GVQW3: variants seen among roughly 807,000 people sequenced by gnomAD.
The protein encoded by GVQW3 is protein GVQW3.
Under a neutral mutation model 12.5 loss-of-function variants are expected in GVQW3, and 7 were observed. That is an observed-to-expected ratio of 0.56 (90% CI 0.32 to 1.05). GVQW3 has a LOEUF of 1.05. Among genes scored for constraint, GVQW3 ranks in the 50% least tolerant of loss-of-function variants. The pLI is 0.04. For synonymous variants in GVQW3, 71 were observed against 67.2 expected, an observed-to-expected ratio of 1.06 and a Z score of -0.28; for missense variants, 188 against 190.8, an observed-to-expected ratio of 0.99 and a Z score of 0.09.
At chr11:76,411,418 T>C (rs1387053775), downstream of GVQW3, 2 of 152,204 alleles carry the variant, frequency 1.3e-5, no homozygotes, top group Non-Finnish European at 2.9e-5. Context: ...TTTAAACTTC[T>C]AGCTCAGCCT....
chr11:76,412,714 A>G (rs560435497), downstream of GVQW3: 67 of 152,372 alleles, frequency 4.4e-4, no homozygotes, highest in African/African-American at 1.4e-3. Flanking sequence ...AGGGATCAAC[A>G]ATACCATTAG....
chr11:76,382,469 G>T (rs1421451875), intron 1 of GVQW3, 176 bp downstream of exon 1: 3 of 645,566 alleles, frequency 4.6e-6, no homozygotes, highest in Non-Finnish European at 8.3e-6. Context: ...TGAGAGGAAT[G>T]TGAGTTAGCT....
At chr11:76,403,234 C>G (rs1190845471) in intron 1 of GVQW3, among the ~76,000 whole-genome samples, 2 of 152,190 alleles carry the variant, frequency 1.3e-5, no homozygotes, top group Non-Finnish European at 2.9e-5. Flanking sequence ...GCGTGAGCCA[C>G]CACTCCCGGC....
At chr11:76,385,520 T>C (rs1442046948) in intron 1 of GVQW3, among the ~76,000 whole-genome samples, 1 of 152,224 alleles carries the variant, frequency 6.6e-6, no homozygotes, top group Non-Finnish European at 1.5e-5. Flanking sequence ...TACTCCTCTC[T>C]TTCCTTGTTG....
downstream of GVQW3, chr11:76,413,035 G>A (rs1030316373): frequency 8.5e-5 from 13 of 152,266 alleles, no homozygotes; most frequent in Non-Finnish European, 1.6e-4. Context: ...CTTTCGTTGC[G>A]AATTTTTTTT....
intron 1 of GVQW3, among the ~76,000 whole-genome samples, chr11:76,396,719 C>T (rs1348649450): frequency 6.6e-6 from 1 of 152,156 alleles, no homozygotes; most frequent in Non-Finnish European, 1.5e-5. Context: ...AATTCATATC[C>T]AATAAAATCG....
intron 1 of GVQW3, among the ~76,000 whole-genome samples, chr11:76,403,197 C>A (rs907810229): frequency 6.6e-6 from 1 of 152,180 alleles, no homozygotes; most frequent in Non-Finnish European, 1.5e-5. Context: ...CCGCCTGCCT[C>A]AGCCTCCCAA....
intron 1 of GVQW3, 74 bp downstream of exon 1, chr11:76,382,367 C>T (rs1383405061): frequency 1.1e-6 from 1 of 925,870 alleles, no homozygotes; most frequent in Non-Finnish European, 1.7e-6. Flanking sequence ...GTATCCCATC[C>T]CAGAGTCCAC....
At chr11:76,391,323 T>C (rs1295580047) in intron 1 of GVQW3, among the ~76,000 whole-genome samples, 1 of 152,212 alleles carries the variant, frequency 6.6e-6, no homozygotes, top group Non-Finnish European at 1.5e-5. Flanking sequence ...GACAAATGCA[T>C]AGTGTCATTG....
At chr11:76,394,830 T>A (rs1946925325) in intron 1 of GVQW3, 1 of 152,236 alleles carries the variant, frequency 6.6e-6, no homozygotes, top group African/African-American at 2.4e-5. Flanking sequence ...GGTTCCCTTT[T>A]CTCTGCATCC....
intron 1 of GVQW3, among the ~76,000 whole-genome samples, chr11:76,402,443 C>A (rs551136172): frequency 6.6e-6 from 1 of 151,868 alleles, no homozygotes; most frequent in South Asian, 2.1e-4. Context: ...ATCCTAGCTA[C>A]TCAGGAGGCT....
chr11:76,392,420 A>G (rs993211571), intron 1 of GVQW3: 3 of 152,200 alleles, frequency 2.0e-5, no homozygotes, highest in African/African-American at 7.2e-5. Context: ...CAGAATTACA[A>G]CCCAAACTCG....
At chr11:76,389,688 T>C (rs1403461092) in intron 1 of GVQW3, 2 of 152,218 alleles carry the variant, frequency 1.3e-5, no homozygotes, top group African/African-American at 2.4e-5. Context: ...TTAACCTCCT[T>C]TGCATTTCAT....
In GVQW3 at chr11:76,381,819, C is replaced by A; in HGVS notation, c.-10C>A. 1 of 1,517,160 alleles carries A rather than the reference C, an allele frequency of 6.6e-7. No homozygotes were observed. Among genetic ancestry groups the A allele is most frequent in the South Asian group, 1.3e-5 (1 of 79,924 alleles). The allele number at this position is 1,517,160 out of a possible 1,614,324, so 94.0% of individuals were successfully genotyped here. A position where few individuals can be genotyped will look rare whatever the true frequency, so the allele number is the denominator to read the frequency against. On this transcript the variant is annotated 5_prime_UTR_variant, in exon 1 of 2. Transcript: ENST00000529331. ...GCCTGTTAAACGTTCCTGTGTTGTTCAGTGCCAGAATGAGTGACCGCTATT... is the reference window on the plus strand; with the variant it reads ...GCCTGTTAAACGTTCCTGTGTTGTTAAGTGCCAGAATGAGTGACCGCTATT...
intron 1 of GVQW3, among the ~76,000 whole-genome samples, chr11:76,401,708 G>A (rs1341116895): frequency 6.7e-6 from 1 of 150,274 alleles, no homozygotes; most frequent in African/African-American, 2.5e-5. Flanking sequence ...GGGAGGCGGA[G>A]GTTGCAGTGA....
chr11:76,395,682 G>A (rs1281098571), intron 1 of GVQW3, among the ~76,000 whole-genome samples: 5 of 152,114 alleles, frequency 3.3e-5, no homozygotes, highest in African/African-American at 1.2e-4. Context: ...TATTGCTACT[G>A]GAATTTGGGT....
intron 1 of GVQW3, among the ~76,000 whole-genome samples, chr11:76,387,384 C>G (rs969373928): frequency 5.3e-5 from 8 of 151,972 alleles, no homozygotes; most frequent in Non-Finnish European, 1.2e-4. Flanking sequence ...GATCCAAGAT[C>G]TTGCCACTAC....
At chr11:76,388,626 A>C (rs1018141342) in intron 1 of GVQW3, among the ~76,000 whole-genome samples, 12 of 151,656 alleles carry the variant, frequency 7.9e-5, no homozygotes, top group Non-Finnish European at 1.3e-4. Flanking sequence ...GTGTGCCGAG[A>C]TACAGCAGTG....
chr11:76,385,811 T>G (rs1187963517), intron 1 of GVQW3, among the ~76,000 whole-genome samples: 1 of 152,178 alleles, frequency 6.6e-6, no homozygotes. Flanking sequence ...ATGGGCACCT[T>G]AGCCACCCTC....
Sources: gnomAD v4.1 joint callset for allele counts (sites outside exome capture counted in the v4.1 genomes callset) on GRCh38, gnomAD v4.1.1 for gene constraint, MANE v1.5 for transcripts, NCBI Gene and HGNC (gene_info 2026-07-23, HGNC 2026-07-21) for gene names.